EDNRA: variants seen among roughly 807,000 people sequenced by gnomAD.
The protein encoded by EDNRA is endothelin receptor type A, also known as endothelin-1 receptor.
A neutral mutation model predicts 41.4 loss-of-function variants in EDNRA; 11 were observed. The ratio of observed to expected loss-of-function variants is 0.27; its 90% CI spans 0.17 to 0.44. The LOEUF is 0.44. EDNRA is among the 20% of genes least tolerant of loss of function. EDNRA has a pLI of 1.00. For missense variants in EDNRA, 294 were observed against 531.0 expected, an observed-to-expected ratio of 0.55 and a Z score of 4.39; for synonymous variants, 172 against 183.0, an observed-to-expected ratio of 0.94 and a Z score of 0.49.
chr4:147,537,084 C>A (rs956085820), intron 5 of EDNRA, among the ~76,000 whole-genome samples: 1 of 152,126 alleles, frequency 6.6e-6, no homozygotes, highest in East Asian at 1.9e-4. Flanking sequence ...CCAACTACAC[C>A]AAAAGTTAAT....
At chr4:147,516,360 T>C (rs6822565) in intron 2 of EDNRA, among the ~76,000 whole-genome samples, 63,086 of 152,176 alleles carry the variant, frequency 0.41, 17,836 homozygotes, top group African/African-American at 0.81. Context: ...AACTCGATGG[T>C]AGGTTTCTTT....
At chr4:147,517,943 C>A (rs1352760338) in intron 2 of EDNRA, among the ~76,000 whole-genome samples, 1 of 152,170 alleles carries the variant, frequency 6.6e-6, no homozygotes, top group African/African-American at 2.4e-5. Context: ...ATTTCAGAGT[C>A]TCCCTTATTA....
rs1352479894 is a variant in EDNRA, at chr4:147,543,357, GTATTT to G, written c.*746_*750del. ...TTACTCAAAGAATTTTTTAAGAACT[GTATTT>G]TATTTTTTAAATGGTGTTTTATTAC... is the stretch of plus-strand genomic sequence containing the variant. On this transcript the variant is annotated 3_prime_UTR_variant, in exon 8 of 8. Coordinates refer to ENST00000651419, the MANE Select transcript of EDNRA (RefSeq NM_001957.4). 1.3e-5 allele frequency: 2 copies of G among 152,094 alleles called. No homozygotes were observed. Among genetic ancestry groups the G allele is most frequent in the Non-Finnish European group, 1.5e-5 (1 of 68,004 alleles). The allele number at this position is 152,094 out of a possible 1,614,324, so 9.4% of individuals were successfully genotyped here.
rs1731041888 is a variant in EDNRA at position 147,539,953 on chromosome 4, A to G, written c.1034+3A>G. 1 of 1,597,296 alleles carries G rather than the reference A, an allele frequency of 6.3e-7. No individual in the cohort carries two copies. The highest frequency in any genetic ancestry group is 1.4e-5 in the African/African-American group (1 of 73,534). On this transcript the variant is annotated splice_donor_region_variant and intron_variant, in intron 6 of 7. Transcript: ENST00000651419. ...AAGAACCGATGTGAATTACTTAGGTATGATCCTGTGTACTCGCTAGAAAAT... is the reference window on the plus strand; with the variant it reads ...AAGAACCGATGTGAATTACTTAGGTGTGATCCTGTGTACTCGCTAGAAAAT...
At chr4:147,500,694 A>G (rs1320032894) in intron 2 of EDNRA, among the ~76,000 whole-genome samples, 1 of 151,266 alleles carries the variant, frequency 6.6e-6, no homozygotes, top group Non-Finnish European at 1.5e-5. Context: ...GCTTGGAAGG[A>G]AAAAAAAATG....
At chr4:147,529,519 G>A (rs995296971) in intron 3 of EDNRA, among the ~76,000 whole-genome samples, 6 of 152,160 alleles carry the variant, frequency 3.9e-5, no homozygotes, top group Non-Finnish European at 5.9e-5. Flanking sequence ...AGGTAAATGA[G>A]AAGGAATGGC....
chr4:147,484,459 C>T (rs374246527), intron 1 of EDNRA, among the ~76,000 whole-genome samples: 1 of 152,142 alleles, frequency 6.6e-6, no homozygotes, highest in African/African-American at 2.4e-5. Flanking sequence ...GCCTTAGAAT[C>T]GCAGTGTTGC....
At chr4:147,512,909 A>G (rs1411442893) in intron 2 of EDNRA, among the ~76,000 whole-genome samples, 1 of 151,798 alleles carries the variant, frequency 6.6e-6, no homozygotes, top group African/African-American at 2.4e-5. Context: ...ACCATGAACC[A>G]TCAATAGTTA....
intron 2 of EDNRA, chr4:147,506,904 A>G (rs1255715098): frequency 1.9e-5 from 3 of 154,102 alleles, no homozygotes; most frequent in African/African-American, 4.8e-5. Context: ...TTCTAAACCT[A>G]TAACTGTTGT....
At chr4:147,516,549 T>C (rs2126442779) in intron 2 of EDNRA, among the ~76,000 whole-genome samples, 1 of 152,354 alleles carries the variant, frequency 6.6e-6, no homozygotes, top group South Asian at 2.1e-4. Context: ...TACTATGTGC[T>C]AGGTACTGTG....
chr4:147,525,621 G>T (rs562024813), intron 3 of EDNRA, among the ~76,000 whole-genome samples: 22 of 147,994 alleles, frequency 1.5e-4, no homozygotes, highest in African/African-American at 4.6e-4. Flanking sequence ...AGCAGCAGGA[G>T]AGGGGTAGGA....
At chr4:147,540,560 C>T in intron 7 of EDNRA, 75 bp downstream of exon 7, 1 of 991,122 alleles carries the variant, frequency 1.0e-6, no homozygotes, top group South Asian at 1.6e-5. Context: ...ACAGCCAATT[C>T]CAGTTGTAAT....
rs1728737631 is a variant in EDNRA at position 147,481,168 on chromosome 4, G to C, written c.-279G>C. 1 of 152,374 alleles carries C rather than the reference G, an allele frequency of 6.6e-6. No homozygotes were observed. The highest frequency in any genetic ancestry group is 6.5e-5 in the Admixed American group (1 of 15,288). 9.4% of individuals were successfully genotyped at this position (152,374 alleles called of 1,614,324 possible). A position where few individuals can be genotyped will look rare whatever the true frequency, so the allele number is the denominator to read the frequency against. The stretch of plus-strand genomic sequence containing the variant: ...TCATCCATCCCACCCGGTCGTCGCC[G>C]GGGATTGGGGTCCCAGCGAGACCTC... On this transcript the variant is annotated 5_prime_UTR_variant, in exon 1 of 8. Coordinates refer to ENST00000651419, the MANE Select transcript of EDNRA (RefSeq NM_001957.4).
intron 2 of EDNRA, among the ~76,000 whole-genome samples, chr4:147,513,667 G>A (rs1386865990): frequency 6.6e-6 from 1 of 152,080 alleles, no homozygotes. Context: ...CCTGATACCT[G>A]GTCAGTCATG....
intron 2 of EDNRA, among the ~76,000 whole-genome samples, chr4:147,499,995 G>A (rs540139946): frequency 1.3e-5 from 2 of 151,856 alleles, no homozygotes; most frequent in South Asian, 4.2e-4. Context: ...AGTAGAGATG[G>A]GGTTTCACCG....
At chr4:147,502,172 G>C (rs938990754) in intron 2 of EDNRA, among the ~76,000 whole-genome samples, 1 of 152,126 alleles carries the variant, frequency 6.6e-6, no homozygotes, top group Non-Finnish European at 1.5e-5. Flanking sequence ...CAAATGCCCA[G>C]TGATAATTTA....
At chr4:147,534,756 A>C (rs975701448) in intron 4 of EDNRA, among the ~76,000 whole-genome samples, 1 of 152,170 alleles carries the variant, frequency 6.6e-6, no homozygotes, top group Non-Finnish European at 1.5e-5. Flanking sequence ...CTGTGCTTTA[A>C]TGTAATTGGT....
intron 2 of EDNRA, chr4:147,495,935 A>G (rs1397378440): frequency 2.0e-5 from 3 of 152,240 alleles, no homozygotes. Flanking sequence ...GCAATCCTCA[A>G]TTTTTAAAGA....
chr4:147,539,140 T>C (rs1432521004), intron 5 of EDNRA, among the ~76,000 whole-genome samples: 2 of 151,940 alleles, frequency 1.3e-5, no homozygotes, highest in Non-Finnish European at 2.9e-5. Context: ...ACCCTCATCC[T>C]TCTGCTTGCA....
Sources: gnomAD v4.1 joint callset for allele counts (sites outside exome capture counted in the v4.1 genomes callset) on GRCh38, gnomAD v4.1.1 for gene constraint, MANE v1.5 for transcripts, NCBI Gene and HGNC (gene_info 2026-07-23, HGNC 2026-07-21) for gene names.